The following MCRIP1 variants were observed in gnomAD, a reference collection of about 807,000 sequenced individuals.
The protein encoded by MCRIP1 is MAPK regulated corepressor interacting protein 1, also known as mapk-regulated corepressor-interacting protein 1.
MCRIP1 carries 10 observed loss-of-function variants against 14.4 expected under a neutral mutation model. The ratio of observed to expected loss-of-function variants is 0.70; its 90% CI spans 0.43 to 1.18. MCRIP1 has a LOEUF of 1.18. Ranked by LOEUF, MCRIP1 falls within the 50% of genes most tolerant of loss-of-function variation. The probability of loss-of-function intolerance (pLI) is 0.00; values close to 1 mark genes in which losing one functional copy is unlikely to be tolerated. For synonymous variants in MCRIP1, 53 were observed against 55.7 expected (o/e 0.95, Z 0.21); for missense variants, 119 against 135.4 (o/e 0.88, Z 0.60).
At position 81,823,128 on chromosome 17, in the gene MCRIP1, TG is replaced by T; in HGVS notation, c.*118del. ...CCTCAGCCGTCAGTCACGCCAGTGC[TG>T]GGATCTGCAGCCCGCTGGAGCAAGG... is the stretch of plus-strand genomic sequence containing the variant. On this transcript the variant is annotated 3_prime_UTR_variant, in exon 5 of 5. Transcript: ENST00000455127. The surrounding 1 kb of genome is among the most constrained non-coding windows in gnomAD (Gnocchi z 6.0). The T allele has an allele frequency of 1.1e-6, 1 of 952,270 alleles. No homozygotes were observed. The highest frequency in any genetic ancestry group is 1.6e-6 in the Non-Finnish European group (1 of 620,310). 59.0% of individuals were successfully genotyped at this position (952,270 alleles called of 1,614,324 possible). A position where few individuals can be genotyped will look rare whatever the true frequency, so the allele number is the denominator to read the frequency against.
rs1246496023 is a variant in MCRIP1, at chr17:81,823,457, G to A, written c.184C>T (p.Leu62=). The change falls in exon 4 of 5, where the codon CTG becomes TTG. Residue 62 remains leucine, a synonymous_variant. Transcript: ENST00000455127. This position sits in a 1 kb window ranked among gnomAD's most constrained non-coding sequence, Gnocchi z 6.0. ...ACCTTCTCCACATACTCCTCCACCA[G>A]GCCCCGCTCGCCACCCGGCACCTGG... is the stretch of plus-strand genomic sequence containing the variant. ...RGQVPGGERG[L]VEEYVEKVPN... is the part of the protein sequence containing the mutation. 1 of 1,536,636 alleles carries A rather than the reference G, an allele frequency of 6.5e-7. No homozygotes were observed.
At chr17:81,825,516 A>G (rs2038372088) in intron 1 of MCRIP1, 1 of 1,245,220 alleles carries the variant, frequency 8.0e-7, no homozygotes, top group Non-Finnish European at 1.0e-6. Flanking sequence ...AAGGCTGCAG[A>G]TACTCCAGGG....
intron 1 of MCRIP1, among the ~76,000 whole-genome samples, chr17:81,829,474 G>A (rs894598012): frequency 2.0e-5 from 3 of 152,206 alleles, no homozygotes; most frequent in Non-Finnish European, 4.4e-5. Flanking sequence ...CCACGGCCCC[G>A]TACTCCTCAG....
At chr17:81,832,496 C>T (rs1220951227) in intron 1 of MCRIP1, among the ~76,000 whole-genome samples, 1 of 152,256 alleles carries the variant, frequency 6.6e-6, no homozygotes, top group Non-Finnish European at 1.5e-5. Context: ...CTCGCCACAT[C>T]CCACCCAAAG....
rs753291464 is a variant in MCRIP1, at chr17:81,826,755, G to GT, written c.-48-2202dup. Reference sequence around the variant, plus strand: ...AATCGCTTGAACCCGGGAGGTGGAGGTGCAGTGAGCCAAGATCGCGCCAAC... The same window carrying GT: ...AATCGCTTGAACCCGGGAGGTGGAGGTTGCAGTGAGCCAAGATCGCGCCAAC... On this transcript the variant is annotated intron_variant, in intron 1 of 4. Transcript: ENST00000455127. The GT allele has an allele frequency of 6.9e-4, 140 of 201,528 alleles. 1 individual carries two copies. Among genetic ancestry groups the GT allele is most frequent in the East Asian group, 4.0e-3 (29 of 7,182 alleles). 12.5% of individuals were successfully genotyped at this position (201,528 alleles called of 1,614,324 possible). A position where few individuals can be genotyped will look rare whatever the true frequency, so the allele number is the denominator to read the frequency against.
intron 1 of MCRIP1, among the ~76,000 whole-genome samples, chr17:81,828,776 C>T (rs905509054): frequency 3.3e-5 from 5 of 152,304 alleles, no homozygotes; most frequent in African/African-American, 4.8e-5. Flanking sequence ...GGGGCCAGGA[C>T]GGTGCCTGTG....
In MCRIP1 at chr17:81,822,793, G is replaced by C; in HGVS notation, c.*454C>G. The stretch of plus-strand genomic sequence containing the variant: ...GCAGCAAGGGTCTGCGGGGAGCCCA[G>C]GCTGGATGGGGTGGGGCTGCCCTTG... On this transcript the variant is annotated 3_prime_UTR_variant, in exon 5 of 5. Coordinates refer to ENST00000455127, the MANE Select transcript of MCRIP1 (RefSeq NM_207368.5). The C allele has an allele frequency of 8.9e-6, 2 of 225,614 alleles. No individual in the cohort carries two copies. The highest frequency in any genetic ancestry group is 1.7e-3 in the Middle Eastern group (1 of 584). The allele number at this position is 225,614 out of a possible 1,614,324, so 14.0% of individuals were successfully genotyped here.
chr17:81,825,700 T>G, intron 1 of MCRIP1: 5 of 1,289,346 alleles, frequency 3.9e-6, no homozygotes, highest in Non-Finnish European at 5.1e-6. Flanking sequence ...TGGAACTCTG[T>G]GCCCCATCCC....
At chr17:81,826,693 C>CA (rs2038406322) in intron 1 of MCRIP1, 1 of 354,502 alleles carries the variant, frequency 2.8e-6, no homozygotes, top group Non-Finnish European at 5.1e-6. Context: ...GTGGCAGGCA[C>CA]CCGTAATCCC....
At position 81,824,290 on chromosome 17, in the gene MCRIP1, C is replaced by T. The variant is rs1411257328; in HGVS notation, c.124G>A (p.Glu42Lys). 9.1e-6 allele frequency: 14 copies of T among 1,535,506 alleles called. No homozygotes were observed. The highest frequency in any genetic ancestry group is 1.2e-5 in the Non-Finnish European group (14 of 1,146,118). Residue 42 changes from glutamate to lysine, a missense_variant, in exon 3 of 5, where the codon GAA becomes AAA. Coordinates refer to ENST00000455127, the MANE Select transcript of MCRIP1 (RefSeq NM_207368.5). Reference sequence around the variant, plus strand: ...TGTGTGTGGCAGGCGCACCCACCTTCGTAAATGAAGCGGACGTTCTCCTCG... The same window carrying T: ...TGTGTGTGGCAGGCGCACCCACCTTTGTAAATGAAGCGGACGTTCTCCTCG... ...AHEENVRFIY[E>K]AWQGVERDLR...
chr17:81,828,116 G>C (rs968869291), intron 1 of MCRIP1, among the ~76,000 whole-genome samples: 6 of 152,096 alleles, frequency 3.9e-5, no homozygotes, highest in Admixed American at 2.0e-4. Flanking sequence ...AAGGAGTCTC[G>C]TTTGCCTCCT....
chr17:81,827,328 G>A (rs1598252529), intron 1 of MCRIP1, among the ~76,000 whole-genome samples: 1 of 151,516 alleles, frequency 6.6e-6, no homozygotes, highest in Non-Finnish European at 1.5e-5. Context: ...CTGGAGTGCA[G>A]TGGCGCCATC....
At chr17:81,832,954 G>A (rs1220989766) in intron 1 of MCRIP1, among the ~76,000 whole-genome samples, 1 of 152,104 alleles carries the variant, frequency 6.6e-6, no homozygotes, top group Admixed American at 6.5e-5. Context: ...CGGCGGCGCT[G>A]GGTCCCCGGC....
chr17:81,826,817 C>CA (rs1169330913), intron 1 of MCRIP1, among the ~76,000 whole-genome samples: 9,380 of 46,734 alleles, frequency 0.2, 948 homozygotes, highest in Non-Finnish European at 0.29. Context: ...GACTCCATCT[C>CA]AAAAAAAAAA....
At chr17:81,826,436 C>A in intron 1 of MCRIP1, 3 of 1,491,692 alleles carry the variant, frequency 2.0e-6, no homozygotes, top group Non-Finnish European at 2.7e-6. Flanking sequence ...GGTGGGAGGA[C>A]TGCTTGAGCC....
In MCRIP1 at chr17:81,826,066, T is replaced by C. The variant is rs1203932635; in HGVS notation, c.-48-1512A>G. 4 of 1,459,056 alleles carry C rather than the reference T, an allele frequency of 2.7e-6. No homozygotes were observed. The Admixed American group carries it at 8.3e-5, about 30-fold the overall frequency. 90.4% of individuals were successfully genotyped at this position (1,459,056 alleles called of 1,614,324 possible). A position where few individuals can be genotyped will look rare whatever the true frequency, so the allele number is the denominator to read the frequency against. On this transcript the variant is annotated intron_variant, in intron 1 of 4. Transcript: ENST00000455127. ...CCCTCTCCCGTGGCTCTTCTCCCCA[T>C]GCATCCTCTGCCTCCAGTGGCCACT...
At chr17:81,825,109 G>A in intron 1 of MCRIP1, 2 of 1,013,378 alleles carry the variant, frequency 2.0e-6, no homozygotes, top group Non-Finnish European at 2.4e-6. Context: ...CCAGCTTCCT[G>A]GTTCCCTAGA....
At chr17:81,825,926 TACAGAGA>T (rs1567825298) in intron 1 of MCRIP1, 8 of 1,296,700 alleles carry the variant, frequency 6.2e-6, no homozygotes, top group Non-Finnish European at 8.0e-6. Context: ...AAGCTCCCGT[TACAGAGA>T]AAGGCAGAGC....
chr17:81,826,141 G>T, intron 1 of MCRIP1: 1 of 1,487,258 alleles, frequency 6.7e-7, no homozygotes, highest in Non-Finnish European at 8.9e-7. Flanking sequence ...TGCTGGGTTC[G>T]GTTGTCACTC....
Sources: gnomAD v4.1 joint callset for allele counts (sites outside exome capture counted in the v4.1 genomes callset) on GRCh38, gnomAD v4.1.1 for gene constraint, Gnocchi (gnomAD v3.1) non-coding constraint, MANE v1.5 for transcripts, NCBI Gene and HGNC (gene_info 2026-07-23, HGNC 2026-07-21) for gene names.